Variants in RPN2 observed in about 807,000 individuals in gnomAD.
RPN2 encodes the protein dolichyl-diphosphooligosaccharide--protein glycosyltransferase subunit 2.
In RPN2, 29 loss-of-function variants were observed where a neutral mutation model predicts 71.4. The ratio of observed to expected loss-of-function variants is 0.41; its 90% CI spans 0.30 to 0.55. RPN2 has a LOEUF of 0.55. Ranked by LOEUF, RPN2 falls within the 20% of genes least tolerant of loss-of-function variation. The probability of loss-of-function intolerance (pLI) is 0.35; values close to 1 mark genes in which losing one functional copy is unlikely to be tolerated. For synonymous variants in RPN2, 308 were observed against 305.0 expected, an observed-to-expected ratio of 1.01 and a Z score of -0.10; for missense variants, 726 against 774.1, an observed-to-expected ratio of 0.94 and a Z score of 0.74.
In RPN2 at chr20:37,204,758, T is replaced by C; in HGVS notation, c.556-9T>C. ...TGACATCCAGCATATTTCTGTTTTG[T>C]TATGGCAGGACCTTGTTGCTCGCCT... On this transcript the variant is annotated splice_polypyrimidine_tract_variant and intron_variant, in intron 5 of 16. Coordinates refer to ENST00000237530, the MANE Select transcript of RPN2 (RefSeq NM_002951.5). 6.2e-7 allele frequency: 1 copy of C among 1,614,192 alleles called. No homozygotes were observed.
chr20:37,191,067 T>G (rs1283119510), intron 2 of RPN2, among the ~76,000 whole-genome samples: 2 of 152,144 alleles, frequency 1.3e-5, no homozygotes, highest in Non-Finnish European at 2.9e-5. Context: ...TTGGAGAGAT[T>G]TTGGTTATTA....
intron 4 of RPN2, among the ~76,000 whole-genome samples, chr20:37,203,484 G>T (rs1263034118): frequency 6.6e-6 from 1 of 151,210 alleles, no homozygotes; most frequent in South Asian, 2.1e-4. Context: ...GGGACTACAA[G>T]CACACGCTAC....
chr20:37,193,692 G>A lies in RPN2; in HGVS notation c.208-4705G>A, dbSNP rs556939539. ...ACTTTCTGCTTCTGCTGCATGGATG[G>A]GTAGTTGGGCCATTCCATGAGATAG... On this transcript the variant is annotated intron_variant, in intron 2 of 16. Transcript: ENST00000237530. Among the ~76,000 whole-genome samples, 58 of 152,288 alleles carry A rather than the reference G, an allele frequency of 3.8e-4. No individual in the cohort carries two copies. The South Asian group carries it at 0.012, about 30-fold the overall frequency.
At chr20:37,181,828 G>A (rs1446380712) in intron 1 of RPN2, among the ~76,000 whole-genome samples, 2 of 152,064 alleles carry the variant, frequency 1.3e-5, no homozygotes, top group African/African-American at 2.4e-5. Flanking sequence ...ATAGACTACC[G>A]TATTTAAAAT....
At chr20:37,202,048 C>T (rs1481429839) in intron 4 of RPN2, among the ~76,000 whole-genome samples, 1 of 152,154 alleles carries the variant, frequency 6.6e-6, no homozygotes, top group Non-Finnish European at 1.5e-5. Flanking sequence ...TAATTAAAGC[C>T]AGTGACAAAA....
intron 9 of RPN2, among the ~76,000 whole-genome samples, chr20:37,221,789 C>T (rs1008529522): frequency 6.6e-6 from 1 of 152,246 alleles, no homozygotes; most frequent in African/African-American, 2.4e-5. Flanking sequence ...CTAAGCCCAT[C>T]AAGCCTCCTC....
intron 5 of RPN2, 26 bp from the exon 6 acceptor site, chr20:37,204,741 A>T (rs1348313130): frequency 6.2e-7 from 1 of 1,614,068 alleles, no homozygotes; most frequent in Non-Finnish European, 8.5e-7. Flanking sequence ...CTTGACATCC[A>T]GCATATTTCT....
intron 4 of RPN2, chr20:37,200,599 A>T: frequency 2.1e-6 from 1 of 471,036 alleles, no homozygotes; most frequent in Non-Finnish European, 4.4e-6. Context: ...GTAAACTTAA[A>T]GCTTTGTTAA....
At chr20:37,214,690 C>T (rs1010257154) in intron 9 of RPN2, among the ~76,000 whole-genome samples, 1 of 152,118 alleles carries the variant, frequency 6.6e-6, no homozygotes, top group Non-Finnish European at 1.5e-5. Context: ...ATGCATTTTC[C>T]GCAGTTCTAT....
intron 16 of RPN2, chr20:37,238,295 C>A: frequency 2.3e-6 from 2 of 859,974 alleles, no homozygotes; most frequent in South Asian, 2.9e-5. Context: ...CTGGAAAAAT[C>A]AGTGACCCTA....
rs6104134 is a variant in RPN2, at chr20:37,224,083, A to G, written c.1184+114A>G. The G allele has an allele frequency of 0.017, 14,363 of 840,472 alleles. 738 individuals are homozygous for G. The highest frequency in any genetic ancestry group is 0.14 in the African/African-American group (8,475 of 59,738). The allele number at this position is 840,472 out of a possible 1,614,324, so 52.1% of individuals were successfully genotyped here. A position where few individuals can be genotyped will look rare whatever the true frequency, so the allele number is the denominator to read the frequency against. On this transcript the variant is annotated intron_variant, in intron 10 of 16. Transcript: ENST00000237530. ...TTCTGTGTCAGCAGCCATCCAGCTT[A>G]CATCCTAAATTAAAGAGTCTGTAGT... is the stretch of plus-strand genomic sequence containing the variant.
chr20:37,192,202 T>G (rs2067156875), intron 2 of RPN2, among the ~76,000 whole-genome samples: 1 of 152,182 alleles, frequency 6.6e-6, no homozygotes, highest in Non-Finnish European at 1.5e-5. Flanking sequence ...GCCTGGCACA[T>G]GATGAGTGCA....
intron 6 of RPN2, 95 bp downstream of exon 6, chr20:37,204,996 T>C: frequency 6.5e-7 from 1 of 1,541,480 alleles, no homozygotes; most frequent in Non-Finnish European, 8.9e-7. Flanking sequence ...GTTCAGACAG[T>C]ACCTTGGGAT....
chr20:37,194,820 C>T (rs2067220976), intron 2 of RPN2, among the ~76,000 whole-genome samples: 1 of 152,102 alleles, frequency 6.6e-6, no homozygotes, highest in Non-Finnish European at 1.5e-5. Flanking sequence ...CAGTGTGTGC[C>T]TGGGCAGCAC....
chr20:37,229,109 C>T (rs939555050), intron 12 of RPN2, among the ~76,000 whole-genome samples: 2 of 152,142 alleles, frequency 1.3e-5, no homozygotes, highest in South Asian at 2.1e-4. Context: ...TGGCATAGCT[C>T]ATGGGAGGGA....
rs201304415 is a variant in RPN2, at chr20:37,235,113, AAG to A, written c.1753+1025_1753+1026del. On this transcript the variant is annotated intron_variant, in intron 15 of 16. Transcript: ENST00000237530. ...GCAAATGTCTGTATTTTTCTGGGGA[AAG>A]AGAGAGTTGTGACTTTGATCAGATT... Among the ~76,000 whole-genome samples, 732 of 152,232 alleles carry A rather than the reference AAG, an allele frequency of 4.8e-3. 11 individuals are homozygous for A. Among genetic ancestry groups the A allele is most frequent in the East Asian group, 0.03 (156 of 5,170 alleles).
intron 3 of RPN2, 94 bp from the exon 4 acceptor site, chr20:37,198,956 A>G: frequency 3.0e-6 from 3 of 1,002,104 alleles, no homozygotes; most frequent in Non-Finnish European, 4.8e-6. Flanking sequence ...GGCGGAGGTG[A>G]CTTTGGCAGC....
At chr20:37,216,138 A>G (rs929415116) in intron 9 of RPN2, among the ~76,000 whole-genome samples, 5 of 152,140 alleles carry the variant, frequency 3.3e-5, no homozygotes, top group African/African-American at 9.7e-5. Context: ...CAGGAGTTCA[A>G]TACTAGCCTG....
rs554471501 is a variant in RPN2, at chr20:37,226,790, C to G, written c.1299+988C>G. Among the ~76,000 whole-genome samples, 7 of 152,280 alleles carry G rather than the reference C, an allele frequency of 4.6e-5. No individual in the cohort carries two copies. In the South Asian group the frequency reaches 1.5e-3, roughly 32 times the overall value. On this transcript the variant is annotated intron_variant, in intron 11 of 16. Transcript: ENST00000237530. ...GGCCCCATGTCCACTCAGATACCCC[C>G]ACTCCCACACTGCCTGTCATCCCCC...
Sources: gnomAD v4.1 joint callset for allele counts (sites outside exome capture counted in the v4.1 genomes callset) on GRCh38, gnomAD v4.1.1 for gene constraint, MANE v1.5 for transcripts, NCBI Gene and HGNC (gene_info 2026-07-23, HGNC 2026-07-21) for gene names.